KCNIP4: variants seen among roughly 807,000 people sequenced by gnomAD.
KCNIP4 encodes potassium voltage-gated channel interacting protein 4, also known as Kv channel-interacting protein 4.
In KCNIP4, 12 loss-of-function variants were observed where a neutral mutation model predicts 34.0. The observed-to-expected ratio is 0.35, with a 90% CI of 0.23 to 0.57. The LOEUF (loss-of-function observed/expected upper bound fraction) is 0.57. Among genes scored for constraint, KCNIP4 ranks in the 20% least tolerant of loss-of-function variants. The pLI is 0.83. For missense variants in KCNIP4, 238 were observed against 311.7 expected, an observed-to-expected ratio of 0.76 and a Z score of 1.78; for synonymous variants, 124 against 102.2, an observed-to-expected ratio of 1.21 and a Z score of -1.29.
intron 1 of KCNIP4, among the ~76,000 whole-genome samples, chr4:21,330,781 G>A (rs933856600): frequency 1.3e-5 from 2 of 152,098 alleles, no homozygotes; most frequent in Non-Finnish European, 1.5e-5. Flanking sequence ...TCTTGCAAAT[G>A]AATTTTAGCA....
At chr4:21,381,495 G>A (rs1721500981) in intron 1 of KCNIP4, among the ~76,000 whole-genome samples, 1 of 152,108 alleles carries the variant, frequency 6.6e-6, no homozygotes, top group East Asian at 1.9e-4. Flanking sequence ...AAGATATGTA[G>A]CATTACTCCC....
rs144691045 is a variant in KCNIP4 at position 20,740,033 on chromosome 4, A to T, written c.430-5298T>A. 4.1e-3 allele frequency among the ~76,000 whole-genome samples: 627 copies of T among 152,278 alleles called. 9 individuals are homozygous for T. Among genetic ancestry groups the T allele is most frequent in the African/African-American group, 0.014 (593 of 41,550 alleles). ...AGTGAATGAAATGAAGCGAGAAGAG[A>T]AGTATAGAGAAAAATGAGTTAAACA... is the stretch of plus-strand genomic sequence containing the variant. On this transcript the variant is annotated intron_variant, in intron 5 of 8. Transcript: ENST00000382152.
chr4:20,770,219 T>A (rs1378307450), intron 3 of KCNIP4, among the ~76,000 whole-genome samples: 1 of 152,160 alleles, frequency 6.6e-6, no homozygotes, highest in Admixed American at 6.5e-5. Context: ...ACTATATTTC[T>A]TGGCACCTGC....
chr4:21,210,719 C>T (rs1307528585), intron 1 of KCNIP4, among the ~76,000 whole-genome samples: 2 of 152,008 alleles, frequency 1.3e-5, no homozygotes, highest in African/African-American at 4.8e-5. Flanking sequence ...TATGTTTTCC[C>T]TCCTTCCACC....
intron 4 of KCNIP4, 62 bp from the exon 5 acceptor site, chr4:20,749,794 A>ACTGC: frequency 3.6e-6 from 4 of 1,109,134 alleles, no homozygotes; most frequent in African/African-American, 1.5e-5. Context: ...TAAGACTTGG[A>ACTGC]TAGCAGTCCA....
At chr4:21,517,254 C>T (rs1560477389) in intron 1 of KCNIP4, among the ~76,000 whole-genome samples, 1 of 152,066 alleles carries the variant, frequency 6.6e-6, no homozygotes, top group Non-Finnish European at 1.5e-5. Flanking sequence ...AGAGTGGGAT[C>T]CAGGACCCCC....
intron 1 of KCNIP4, among the ~76,000 whole-genome samples, chr4:21,125,817 A>G (rs1369765523): frequency 2.0e-5 from 3 of 152,126 alleles, no homozygotes; most frequent in Non-Finnish European, 2.9e-5. Context: ...CACATCACTC[A>G]CTATATTTTT....
chr4:21,386,258 C>T (rs16871003), intron 1 of KCNIP4, among the ~76,000 whole-genome samples: 3,689 of 152,188 alleles, frequency 0.024, 189 homozygotes, highest in East Asian at 0.19. Context: ...CAATCATTTT[C>T]TTTACTAAAT....
chr4:21,351,605 C>G (rs1158612028), intron 1 of KCNIP4, among the ~76,000 whole-genome samples: 1 of 152,108 alleles, frequency 6.6e-6, no homozygotes, highest in African/African-American at 2.4e-5. Flanking sequence ...CAGAATATGA[C>G]TATATTTTGG....
chr4:21,749,101 T>C (rs1480326561), intron 1 of KCNIP4, among the ~76,000 whole-genome samples: 2 of 152,150 alleles, frequency 1.3e-5, no homozygotes, highest in African/African-American at 2.4e-5. Context: ...AATAAAAATA[T>C]AATGTGGCAA....
chr4:21,909,464 A>C (rs988639675), intron 1 of KCNIP4, among the ~76,000 whole-genome samples: 2 of 152,022 alleles, frequency 1.3e-5, no homozygotes, highest in African/African-American at 2.4e-5. Flanking sequence ...TAACCTACCC[A>C]TACCTCCAAA....
chr4:21,364,499 T>C (rs1220765000), intron 1 of KCNIP4, among the ~76,000 whole-genome samples: 1 of 152,052 alleles, frequency 6.6e-6, no homozygotes, highest in African/African-American at 2.4e-5. Flanking sequence ...ACAATAAACA[T>C]GTGTTGGATG....
At chr4:21,024,001 TAC>T (rs1347066236) in intron 1 of KCNIP4, among the ~76,000 whole-genome samples, 1 of 152,146 alleles carries the variant, frequency 6.6e-6, no homozygotes, top group East Asian at 1.9e-4. Context: ...GGAACCCTCA[TAC>T]ACTGTGGGTG....
chr4:21,616,628 T>C (rs1744628220), intron 1 of KCNIP4, among the ~76,000 whole-genome samples: 1 of 152,190 alleles, frequency 6.6e-6, no homozygotes, highest in Admixed American at 6.5e-5. Flanking sequence ...GACTCCTTCC[T>C]TGACTCTTTC....
intron 1 of KCNIP4, among the ~76,000 whole-genome samples, chr4:21,579,905 C>T (rs1212174992): frequency 6.6e-6 from 1 of 152,016 alleles, no homozygotes. Flanking sequence ...TGGATGCTTT[C>T]CAATAAACTC....
At chr4:20,784,888 G>A (rs772423716) in intron 3 of KCNIP4, among the ~76,000 whole-genome samples, 21 of 152,248 alleles carry the variant, frequency 1.4e-4, no homozygotes, top group Middle Eastern at 3.4e-3. Flanking sequence ...GGGTGACTGC[G>A]AAAGATTTGC....
intron 1 of KCNIP4, among the ~76,000 whole-genome samples, chr4:21,362,631 T>C (rs1719347093): frequency 6.6e-6 from 1 of 152,058 alleles, no homozygotes; most frequent in Admixed American, 6.6e-5. Flanking sequence ...CTTCCCAAAG[T>C]AAAACACGTT....
chr4:20,732,810 G>T, intron 6 of KCNIP4, 25 bp from the exon 7 acceptor site: 1 of 1,340,456 alleles, frequency 7.5e-7, no homozygotes, highest in Non-Finnish European at 1.1e-6. Flanking sequence ...GCACTCACGT[G>T]AGGCTGCACA....
chr4:21,944,040 A>G (rs1730354536), intron 1 of KCNIP4, among the ~76,000 whole-genome samples: 1 of 151,856 alleles, frequency 6.6e-6, no homozygotes, highest in African/African-American at 2.4e-5. Flanking sequence ...TTTTAGACAT[A>G]CTGACTTTAA....
Sources: allele counts gnomAD v4.1 joint callset (sites outside exome capture counted in the v4.1 genomes callset), GRCh38; gene constraint gnomAD v4.1.1; transcripts MANE v1.5; gene names NCBI Gene and HGNC (gene_info 2026-07-23, HGNC 2026-07-21).